The following DLGAP1 variants were observed in gnomAD, a reference collection of about 807,000 sequenced individuals.
DLGAP1 encodes the protein DLG associated protein 1.
DLGAP1 carries 11 observed loss-of-function variants against 90.8 expected under a neutral mutation model. That is an observed-to-expected ratio of 0.12 (90% confidence interval 0.08 to 0.20). The LOEUF is 0.20. Ranked by LOEUF, DLGAP1 falls within the 10% of genes least tolerant of loss-of-function variation. The pLI is 1.00. For synonymous variants in DLGAP1, 558 were observed against 540.7 expected (o/e 1.03, Z -0.44); for missense variants, 1,050 against 1,333.8 (o/e 0.79, Z 3.31).
chr18:3,664,283 T>C (rs903069199), intron 7 of DLGAP1, among the ~76,000 whole-genome samples: 1 of 151,966 alleles, frequency 6.6e-6, no homozygotes, highest in Non-Finnish European at 1.5e-5. Context: ...CACCAACTTC[T>C]AGCTGAATGT....
chr18:3,710,423 T>A (rs565882174), intron 7 of DLGAP1, among the ~76,000 whole-genome samples: 1 of 152,312 alleles, frequency 6.6e-6, no homozygotes, highest in East Asian at 1.9e-4. Context: ...TGTTTGTTTG[T>A]TAGTTTATCA....
chr18:4,050,410 C>G (rs1041681643), intron 2 of DLGAP1, among the ~76,000 whole-genome samples: 1 of 152,160 alleles, frequency 6.6e-6, no homozygotes, highest in Non-Finnish European at 1.5e-5. Flanking sequence ...TCAGAGCATA[C>G]CTGTGAGGTA....
intron 4 of DLGAP1, among the ~76,000 whole-genome samples, chr18:3,857,937 G>C (rs940078729): frequency 6.6e-6 from 1 of 151,978 alleles, no homozygotes; most frequent in African/African-American, 2.4e-5. Flanking sequence ...CAGTAGAAAG[G>C]TGTGTTTACT....
intron 7 of DLGAP1, among the ~76,000 whole-genome samples, chr18:3,633,301 G>A (rs2058588001): frequency 6.6e-6 from 1 of 151,940 alleles, no homozygotes; most frequent in Admixed American, 6.6e-5. Flanking sequence ...TACTCTGGAG[G>A]CTGAGGCAGG....
At chr18:4,452,236 T>C (rs1011484488) in intron 1 of DLGAP1, among the ~76,000 whole-genome samples, 1 of 152,086 alleles carries the variant, frequency 6.6e-6, no homozygotes, top group African/African-American at 2.4e-5. Flanking sequence ...AATTTCACTA[T>C]AGAAATACAC....
intron 2 of DLGAP1, among the ~76,000 whole-genome samples, chr18:4,031,865 T>C (rs2074801382): frequency 6.6e-6 from 1 of 152,220 alleles, no homozygotes. Flanking sequence ...ACAGAGCAAC[T>C]TTGAAAAATC....
rs1336309074 is a variant in DLGAP1 at position 3,727,506 on chromosome 18, A to G, written c.1591+1629T>C. On this transcript the variant is annotated intron_variant, in intron 7 of 12. Coordinates refer to ENST00000315677, the MANE Select transcript of DLGAP1 (RefSeq NM_004746.4). This position sits in a 1 kb window ranked among gnomAD's most constrained non-coding sequence, Gnocchi z 4.7. ...TTCTGGGCCAGGATCTGCATTTTAC[A>G]TATTTAAGGAGCGATTTCAGCTGGC... is the stretch of plus-strand genomic sequence containing the variant. 6.6e-6 allele frequency among the ~76,000 whole-genome samples: 1 copy of G among 152,066 alleles called. No homozygotes were observed. Among genetic ancestry groups the G allele is most frequent in the Non-Finnish European group, 1.5e-5 (1 of 68,024 alleles).
chr18:4,369,795 T>C (rs1207139057), intron 1 of DLGAP1, among the ~76,000 whole-genome samples: 1 of 125,490 alleles, frequency 8.0e-6, no homozygotes, highest in African/African-American at 3.1e-5. Context: ...ATCTTAAAGG[T>C]TGAAAGGAGA....
At chr18:3,625,337 G>A (rs972582347) in intron 7 of DLGAP1, among the ~76,000 whole-genome samples, 2 of 152,162 alleles carry the variant, frequency 1.3e-5, no homozygotes, top group African/African-American at 2.4e-5. Context: ...GTGTGTTTGC[G>A]GGGGCTGGGA....
At chr18:3,741,350 AC>A (rs1425092846) in intron 6 of DLGAP1, among the ~76,000 whole-genome samples, 2 of 137,504 alleles carry the variant, frequency 1.5e-5, no homozygotes, top group African/African-American at 2.9e-5. Context: ...CACCACCACC[AC>A]CACCACATCA....
intron 2 of DLGAP1, among the ~76,000 whole-genome samples, chr18:4,008,513 T>G (rs770147471): frequency 2.6e-5 from 4 of 152,192 alleles, no homozygotes; most frequent in Non-Finnish European, 4.4e-5. Flanking sequence ...TTTTTTAAGT[T>G]AAATTTCCCA....
chr18:4,365,773 T>C (rs1396347468), intron 1 of DLGAP1, among the ~76,000 whole-genome samples: 1 of 152,150 alleles, frequency 6.6e-6, no homozygotes, highest in Non-Finnish European at 1.5e-5. Context: ...TCTTCTAATT[T>C]TACTCACTAA....
Position 4,003,179 on chromosome 18 carries a change from A to G in DLGAP1, c.-73+1937T>C, listed in dbSNP as rs114112462. 3.9e-3 allele frequency among the ~76,000 whole-genome samples: 600 copies of G among 152,276 alleles called. 5 individuals carry two copies. Among genetic ancestry groups the G allele is most frequent in the African/African-American group, 0.014 (570 of 41,562 alleles). On this transcript the variant is annotated intron_variant, in intron 3 of 12. Transcript: ENST00000315677. ...GGGGGGAATATACTGGGAGGAAACA[A>G]TAGTTTGATAAAAGCTTCCCAGTTG...
intron 7 of DLGAP1, among the ~76,000 whole-genome samples, chr18:3,701,651 G>A (rs1285817804): frequency 6.6e-6 from 1 of 152,206 alleles, no homozygotes; most frequent in Non-Finnish European, 1.5e-5. Context: ...GTAGAGAAGA[G>A]GTTGGTGCAG....
At chr18:4,358,690 C>G (rs2081573235) in intron 1 of DLGAP1, among the ~76,000 whole-genome samples, 1 of 152,242 alleles carries the variant, frequency 6.6e-6, no homozygotes, top group Non-Finnish European at 1.5e-5. Context: ...AAGAACTGGG[C>G]ATGAAAGGCT....
chr18:3,628,275 T>G (rs1275766969), intron 7 of DLGAP1, among the ~76,000 whole-genome samples: 1 of 151,048 alleles, frequency 6.6e-6, no homozygotes, highest in Non-Finnish European at 1.5e-5. Context: ...CTGTAACCTC[T>G]GCCTCCCGGG....
At chr18:4,219,271 T>C in intron 1 of DLGAP1, among the ~76,000 whole-genome samples, 1 of 152,050 alleles carries the variant, frequency 6.6e-6, no homozygotes, top group Non-Finnish European at 1.5e-5. Flanking sequence ...CATTTGTATG[T>C]CTTCTTTTGA....
chr18:3,724,106 C>G (rs2062072814), intron 7 of DLGAP1, among the ~76,000 whole-genome samples: 1 of 152,220 alleles, frequency 6.6e-6, no homozygotes, highest in South Asian at 2.1e-4. Context: ...GGGAGGATCA[C>G]TTGAACTCTG....
intron 1 of DLGAP1, among the ~76,000 whole-genome samples, chr18:4,235,554 TA>T (rs1213122537): frequency 1.3e-5 from 2 of 152,122 alleles, no homozygotes; most frequent in African/African-American, 2.4e-5. Flanking sequence ...ATGTGTTACA[TA>T]AAAATTTCTT....
Sources: gnomAD v4.1 joint callset for allele counts (sites outside exome capture counted in the v4.1 genomes callset) on GRCh38, gnomAD v4.1.1 for gene constraint, Gnocchi (gnomAD v3.1) non-coding constraint, MANE v1.5 for transcripts, NCBI Gene and HGNC (gene_info 2026-07-23, HGNC 2026-07-21) for gene names.